The following KCTD8 variants were observed in gnomAD, a reference collection of about 807,000 sequenced individuals.
The protein encoded by KCTD8 is BTB/POZ domain-containing protein KCTD8.
Under a neutral mutation model 31.5 loss-of-function variants are expected in KCTD8, and 27 were observed. That is an observed-to-expected ratio of 0.86 (90% CI 0.63 to 1.18). The LOEUF (loss-of-function observed/expected upper bound fraction) is 1.18, where lower values mean the gene tolerates loss of function less well. Ranked by LOEUF, KCTD8 falls within the 50% of genes most tolerant of loss-of-function variation. The probability of loss-of-function intolerance (pLI) is 0.00; values close to 1 mark genes in which losing one functional copy is unlikely to be tolerated. For synonymous variants in KCTD8, 290 were observed against 280.0 expected (o/e 1.04, Z -0.36); for missense variants, 658 against 647.7 (o/e 1.02, Z -0.17).
rs1473492804 is a variant in KCTD8 at position 44,228,342 on chromosome 4, C to CAT, written c.962-53094_962-53093dup. On this transcript the variant is annotated intron_variant, in intron 1 of 1. Transcript: ENST00000360029. ...AATCTCCTCTTATTAGGACGTAAGT[C>CAT]ATATTGGATTAGGGTCTGCCCTTAG... Among the ~76,000 whole-genome samples the CAT allele has an allele frequency of 2.6e-5, 4 of 152,198 alleles. No individual in the cohort carries two copies. The East Asian group carries it at 7.8e-4, about 30-fold the overall frequency.
intron 1 of KCTD8, among the ~76,000 whole-genome samples, chr4:44,275,889 G>GA (rs1375879845): frequency 4.0e-5 from 6 of 151,766 alleles, no homozygotes; most frequent in Admixed American, 1.3e-4. Flanking sequence ...GCTTCCAACA[G>GA]AAAAAAAGAA....
At chr4:44,218,871 G>A (rs1714728445) in intron 1 of KCTD8, among the ~76,000 whole-genome samples, 1 of 152,116 alleles carries the variant, frequency 6.6e-6, no homozygotes, top group Non-Finnish European at 1.5e-5. Flanking sequence ...ACTGTAACCA[G>A]ATTCCTATGA....
At chr4:44,287,150 C>T (rs1717103082) in intron 1 of KCTD8, among the ~76,000 whole-genome samples, 1 of 152,066 alleles carries the variant, frequency 6.6e-6, no homozygotes, top group Admixed American at 6.6e-5. Context: ...GGTGTGGTGG[C>T]TCATGCCTAT....
At chr4:44,187,234 G>A (rs1459425996) in intron 1 of KCTD8, among the ~76,000 whole-genome samples, 2 of 152,170 alleles carry the variant, frequency 1.3e-5, no homozygotes, top group African/African-American at 4.8e-5. Context: ...TCACTTACAT[G>A]ATTGCACCTC....
Position 44,448,431 on chromosome 4 carries a change from G to GGCGGCC in KCTD8, c.87_92dup (p.Ala32_Ala33dup), listed in dbSNP as rs755009221. Reference sequence around the variant, plus strand: ...AGGGTGCGCAGGGCCCCGGGGCGGCGGCGGCCGACGCGCCGGGCGAGCTGG... The same window carrying GGCGGCC: ...AGGGTGCGCAGGGCCCCGGGGCGGCGGCGGCCGCGGCCGACGCGCCGGGCGAGCTGG... On this transcript the variant is annotated inframe_insertion, in exon 1 of 2. Transcript: ENST00000360029. The surrounding 1 kb of genome is among the most constrained non-coding windows in gnomAD (Gnocchi z 4.1). 1.9e-6 allele frequency: 3 copies of GGCGGCC among 1,555,548 alleles called. No individual in the cohort carries two copies. In the East Asian group the frequency reaches 6.8e-5, roughly 35 times the overall value.
At chr4:44,212,930 T>TTTTG (rs1005865657) in intron 1 of KCTD8, among the ~76,000 whole-genome samples, 117 of 152,178 alleles carry the variant, frequency 7.7e-4, no homozygotes, top group Non-Finnish European at 1.4e-3. Context: ...GTCTTTGTTT[T>TTTTG]TTTGTTTGTT....
intron 1 of KCTD8, among the ~76,000 whole-genome samples, chr4:44,275,317 T>A (rs34799403): frequency 0.077 from 11,635 of 152,014 alleles, 588 homozygotes; most frequent in Non-Finnish European, 0.11. Flanking sequence ...AAAATACTTT[T>A]TAATTTCTCT....
chr4:44,278,096 CT>C (rs1716801831), intron 1 of KCTD8, among the ~76,000 whole-genome samples: 2 of 151,918 alleles, frequency 1.3e-5, no homozygotes, highest in African/African-American at 4.8e-5. Flanking sequence ...TTTTTCATCA[CT>C]TTTGGTTTCC....
chr4:44,337,815 G>A lies in KCTD8; in HGVS notation c.961+109748C>T, dbSNP rs555326367. Among the ~76,000 whole-genome samples the A allele has an allele frequency of 5.4e-4, 82 of 151,596 alleles. 1 individual carries two copies. The highest frequency in any genetic ancestry group is 6.6e-4 in the Non-Finnish European group (45 of 67,898). On this transcript the variant is annotated intron_variant, in intron 1 of 1. Transcript: ENST00000360029. ...AAGTCCAAAATTGTACAAATGACAC[G>A]AACTGAACTATTTAAAATTATATAT...
At chr4:44,368,025 C>A (rs1470550738) in intron 1 of KCTD8, among the ~76,000 whole-genome samples, 3 of 152,148 alleles carry the variant, frequency 2.0e-5, no homozygotes, top group Non-Finnish European at 4.4e-5. Context: ...TCAAGATTTT[C>A]AGACAACATA....
At chr4:44,239,404 C>T (rs1036918128) in intron 1 of KCTD8, among the ~76,000 whole-genome samples, 8 of 152,060 alleles carry the variant, frequency 5.3e-5, no homozygotes, top group African/African-American at 1.4e-4. Context: ...TATGTTTCCA[C>T]GGTAGTAACA....
At chr4:44,405,943 C>A (rs1720785373) in intron 1 of KCTD8, among the ~76,000 whole-genome samples, 1 of 151,886 alleles carries the variant, frequency 6.6e-6, no homozygotes, top group South Asian at 2.1e-4. Context: ...AAAAGGGTAC[C>A]CATGCTAGAA....
At chr4:44,384,667 G>T (rs553194146) in intron 1 of KCTD8, among the ~76,000 whole-genome samples, 2 of 151,840 alleles carry the variant, frequency 1.3e-5, no homozygotes, top group South Asian at 4.1e-4. Context: ...GTTGGTTAAT[G>T]AATGCATAAC....
rs76973730 is a variant in KCTD8, at chr4:44,419,334, G to A, written c.961+28229C>T. Reference sequence around the variant, plus strand: ...CAAAGGAACCCCAGACTAGCCATTAGTTACTCACTGAGAAGGGCCAGGGGC... The same window carrying A: ...CAAAGGAACCCCAGACTAGCCATTAATTACTCACTGAGAAGGGCCAGGGGC... On this transcript the variant is annotated intron_variant, in intron 1 of 1. Coordinates refer to ENST00000360029, the MANE Select transcript of KCTD8 (RefSeq NM_198353.3). Among the ~76,000 whole-genome samples, 31 of 152,306 alleles carry A rather than the reference G, an allele frequency of 2.0e-4. No homozygotes were observed. The South Asian group carries it at 6.4e-3, about 32-fold the overall frequency.
At chr4:44,195,531 G>A (rs1713912969) in intron 1 of KCTD8, among the ~76,000 whole-genome samples, 1 of 152,132 alleles carries the variant, frequency 6.6e-6, no homozygotes, top group African/African-American at 2.4e-5. Flanking sequence ...AAGAGCAAAT[G>A]AGAATTGCTG....
intron 1 of KCTD8, among the ~76,000 whole-genome samples, chr4:44,396,539 AC>A (rs1214438401): frequency 6.6e-6 from 1 of 152,152 alleles, no homozygotes; most frequent in Non-Finnish European, 1.5e-5. Flanking sequence ...AAACTTTAAA[AC>A]AACTTCAACT....
intron 1 of KCTD8, among the ~76,000 whole-genome samples, chr4:44,408,784 A>G (rs1720874972): frequency 6.6e-6 from 1 of 151,950 alleles, no homozygotes; most frequent in Non-Finnish European, 1.5e-5. Context: ...ACGCCCAGCT[A>G]ATTTTTTATA....
At chr4:44,342,055 C>T (rs535512012) in intron 1 of KCTD8, among the ~76,000 whole-genome samples, 2 of 152,196 alleles carry the variant, frequency 1.3e-5, no homozygotes, top group Non-Finnish European at 1.5e-5. Context: ...TGACCAAGTG[C>T]ATTTTCAGTA....
chr4:44,342,366 C>CAAAAAA (rs34201696), intron 1 of KCTD8, among the ~76,000 whole-genome samples: 1 of 87,524 alleles, frequency 1.1e-5, no homozygotes, highest in Non-Finnish European at 2.3e-5. Flanking sequence ...AAGACTGTCT[C>CAAAAAA]AAAAAAAAAA....
Sources: allele counts gnomAD v4.1 joint callset (sites outside exome capture counted in the v4.1 genomes callset), GRCh38; gene constraint gnomAD v4.1.1; non-coding constraint Gnocchi (gnomAD v3.1); transcripts MANE v1.5; gene names NCBI Gene and HGNC (gene_info 2026-07-23, HGNC 2026-07-21).